Variants in SLC44A2 observed in about 807,000 individuals in gnomAD.
The protein encoded by SLC44A2 is solute carrier family 44 member 2 (CTL2 blood group), also known as choline transporter-like protein 2.
In SLC44A2, 57 loss-of-function variants were observed where a neutral mutation model predicts 90.8. That is an observed-to-expected ratio of 0.63 (90% CI 0.51 to 0.78). The LOEUF is 0.78. Ranked by LOEUF, SLC44A2 falls within the 30% of genes least tolerant of loss-of-function variation. The probability of loss-of-function intolerance (pLI) is 0.00; values close to 1 mark genes in which losing one functional copy is unlikely to be tolerated. For synonymous variants in SLC44A2, 355 were observed against 360.7 expected, an observed-to-expected ratio of 0.98 and a Z score of 0.18; for missense variants, 794 against 919.7, an observed-to-expected ratio of 0.86 and a Z score of 1.77.
intron 1 of SLC44A2, among the ~76,000 whole-genome samples, chr19:10,610,840 A>G (rs1483633077): frequency 2.1e-5 from 3 of 145,588 alleles, no homozygotes; most frequent in South Asian, 2.2e-4. Context: ...GGGTTTCACC[A>G]TGTTGGCCAG....
chr19:10,638,088 G>C lies in SLC44A2; in HGVS notation c.1835G>C (p.Ser612Thr). 6.2e-7 allele frequency: 1 copy of C among 1,613,826 alleles called. No individual in the cohort carries two copies. ...TTGGGCAAACTTCTGATCGTTGGTA[G>C]TGTGGGTGAGTGCCGCCCACCTAGC... ...FLLGKLLIVGSVGILAFFFFT... is the reference protein window; with the variant it reads ...FLLGKLLIVGTVGILAFFFFT... Residue 612 changes from serine to threonine, a missense_variant, in exon 19 of 22, where the codon AGT becomes ACT. By Grantham distance (58) the Ser-to-Thr change is moderately conservative (BLOSUM62 1). Transcript: ENST00000335757.
Position 10,636,762 on chromosome 19 carries a change from T to C in SLC44A2, c.1591+6T>C, listed in dbSNP as rs913976599. The C allele has an allele frequency of 1.4e-5, 22 of 1,612,474 alleles. No homozygotes were observed. Among genetic ancestry groups the C allele is most frequent in the Non-Finnish European group, 1.9e-5 (22 of 1,179,206 alleles). On this transcript the variant is annotated splice_donor_region_variant and intron_variant, in intron 16 of 21. Coordinates refer to ENST00000335757, the MANE Select transcript of SLC44A2 (RefSeq NM_020428.4). ...CCTGGATCAGCGGCTGAAAGGTACG[T>C]CCCACCCACGGTTCGCATTAGCTCC... is the stretch of plus-strand genomic sequence containing the variant.
intron 1 of SLC44A2, among the ~76,000 whole-genome samples, chr19:10,612,545 C>CGAT (rs919851660): frequency 1.3e-5 from 2 of 152,162 alleles, no homozygotes; most frequent in African/African-American, 4.8e-5. Flanking sequence ...GGGCAGCTGG[C>CGAT]GATGCTCATT....
chr19:10,627,890 G>A (rs1276508719), intron 3 of SLC44A2, 30 bp from the exon 4 acceptor site: 1 of 1,612,230 alleles, frequency 6.2e-7, no homozygotes, highest in Admixed American at 1.7e-5. Flanking sequence ...AGGAGTGGCA[G>A]TGTCTCAGTA....
At position 10,612,301 on chromosome 19, in the gene SLC44A2, G is replaced by A. The variant is rs144100196; in HGVS notation, c.31+9740G>A. On this transcript the variant is annotated intron_variant, in intron 1 of 21. Coordinates refer to the SLC44A2 transcript ENST00000407327. ...GCGGGAGGATCACTTGAGCCCAGGA[G>A]GTCAAGGCTGCAGTGAGCTATGATT... 1.0e-2 allele frequency among the ~76,000 whole-genome samples: 1,515 copies of A among 152,130 alleles called. 13 individuals are homozygous for A. Among genetic ancestry groups the A allele is most frequent in the South Asian group, 0.027 (130 of 4,820 alleles).
chr19:10,616,585 C>T (rs915147847), intron 1 of SLC44A2, among the ~76,000 whole-genome samples: 2 of 151,864 alleles, frequency 1.3e-5, no homozygotes, highest in African/African-American at 4.8e-5. Context: ...GAGACCGGGA[C>T]CTGGCATAGT....
At chr19:10,602,631 C>T in intron 1 of SLC44A2, 1 of 1,217,700 alleles carries the variant, frequency 8.2e-7, no homozygotes, top group African/African-American at 1.6e-5. Flanking sequence ...GCCAGGGGGA[C>T]ATCTGAGACC....
At chr19:10,620,664 A>G (rs1277168958), upstream of SLC44A2, among the ~76,000 whole-genome samples, 3 of 152,198 alleles carry the variant, frequency 2.0e-5, no homozygotes, top group African/African-American at 7.2e-5. Flanking sequence ...AAAGACACAC[A>G]AATCCCTGTC....
At chr19:10,614,190 C>T (rs998318753) in intron 1 of SLC44A2, among the ~76,000 whole-genome samples, 12 of 152,114 alleles carry the variant, frequency 7.9e-5, no homozygotes, top group African/African-American at 2.9e-4. Context: ...TGGTCTGAAG[C>T]TCCTGACCTC....
At chr19:10,622,696 T>G (rs1465211521), upstream of SLC44A2, among the ~76,000 whole-genome samples, 3 of 150,832 alleles carry the variant, frequency 2.0e-5, no homozygotes, top group African/African-American at 7.3e-5. Context: ...AGGCCAGGAG[T>G]TCCAGACCAG....
chr19:10,634,779 TA>T lies in SLC44A2; in HGVS notation c.848del (p.Tyr283SerfsTer37). ...GYGIFHCYME[Y>X]SRLRGEAGSD... The stretch of plus-strand genomic sequence containing the variant: ...AGGAATATTTCACTGCTACATGGAG[TA>T]CTCCCGACTGCGTGGTGAGGCCGGC... On this transcript the variant is annotated frameshift_variant, in exon 11 of 22. Coordinates refer to ENST00000335757, the MANE Select transcript of SLC44A2 (RefSeq NM_020428.4). LOFTEE classifies it high-confidence loss of function. The T allele has an allele frequency of 6.2e-7, 1 of 1,614,118 alleles. No individual in the cohort carries two copies. The highest frequency in any genetic ancestry group is 1.3e-5 in the African/African-American group (1 of 75,030).
chr19:10,635,330 C>G, intron 13 of SLC44A2, 75 bp downstream of exon 13: 1 of 1,605,070 alleles, frequency 6.2e-7, no homozygotes, highest in Non-Finnish European at 8.5e-7. Context: ...TGACCTGCAG[C>G]TTAGGGATAG....
chr19:10,605,313 G>A (rs1406817916), intron 1 of SLC44A2, among the ~76,000 whole-genome samples: 3 of 151,950 alleles, frequency 2.0e-5, no homozygotes, highest in Non-Finnish European at 2.9e-5. Context: ...TCGGGAGTTC[G>A]AGACCAGCCT....
chr19:10,642,583 T>C, intron 21 of SLC44A2, 132 bp downstream of exon 21: 3 of 875,394 alleles, frequency 3.4e-6, no homozygotes, highest in Non-Finnish European at 5.5e-6. Context: ...TCCCTCGTCC[T>C]GGGTCCCCAG....
intron 1 of SLC44A2, among the ~76,000 whole-genome samples, chr19:10,619,292 G>A (rs922420272): frequency 3.3e-5 from 5 of 151,638 alleles, no homozygotes; most frequent in Non-Finnish European, 7.4e-5. Flanking sequence ...TTAGCCGGGC[G>A]TGGTGTTGTG....
At chr19:10,614,582 C>T (rs1312778918) in intron 1 of SLC44A2, among the ~76,000 whole-genome samples, 4 of 152,206 alleles carry the variant, frequency 2.6e-5, no homozygotes, top group Non-Finnish European at 5.9e-5. Context: ...TGATAGCCTA[C>T]TGTTGACTCT....
chr19:10,641,002 G>T, intron 20 of SLC44A2: 1 of 350,320 alleles, frequency 2.9e-6, no homozygotes, highest in Non-Finnish European at 5.5e-6. Flanking sequence ...TAAGAGAATC[G>T]CTTGAACCCG....
At chr19:10,612,740 C>T (rs1170075527) in intron 1 of SLC44A2, among the ~76,000 whole-genome samples, 1 of 152,228 alleles carries the variant, frequency 6.6e-6, no homozygotes, top group Non-Finnish European at 1.5e-5. Context: ...CGCCCACGCC[C>T]ACTGCACTTG....
chr19:10,643,492 C>G lies in SLC44A2; in HGVS notation c.*107C>G. 1 of 1,296,786 alleles carries G rather than the reference C, an allele frequency of 7.7e-7. No homozygotes were observed. The highest frequency in any genetic ancestry group is 1.1e-6 in the Non-Finnish European group (1 of 951,766). The allele number at this position is 1,296,786 out of a possible 1,614,324, so 80.3% of individuals were successfully genotyped here. A position where few individuals can be genotyped will look rare whatever the true frequency, so the allele number is the denominator to read the frequency against. ...CTCACCTGAAGTCCTATCACTGCCG[C>G]TCTGCCCCTCCCCATGAGCCAGATC... is the stretch of plus-strand genomic sequence containing the variant. On this transcript the variant is annotated 3_prime_UTR_variant, in exon 22 of 22. Coordinates refer to ENST00000335757, the MANE Select transcript of SLC44A2 (RefSeq NM_020428.4).
Sources: gnomAD v4.1 joint callset for allele counts (sites outside exome capture counted in the v4.1 genomes callset) on GRCh38, gnomAD v4.1.1 for gene constraint, MANE v1.5 for transcripts, NCBI Gene and HGNC (gene_info 2026-07-23, HGNC 2026-07-21) for gene names.